Variants in MED13L observed in about 807,000 individuals in gnomAD.
MED13L encodes mediator of RNA polymerase II transcription subunit 13-like.
Under a neutral mutation model 220.9 loss-of-function variants are expected in MED13L, and 7 were observed. The ratio of observed to expected loss-of-function variants is 0.03; its 90% CI spans 0.02 to 0.06. The LOEUF (loss-of-function observed/expected upper bound fraction) is 0.06, where lower values mean the gene tolerates loss of function less well. MED13L is among the 10% of genes least tolerant of loss of function. The pLI is 1.00. For synonymous variants in MED13L, 1,011 were observed against 1,015.2 expected (o/e 1.00, Z 0.08); for missense variants, 1,965 against 2,760.5 (o/e 0.71, Z 6.46).
At chr12:116,173,616 C>T (rs536081468) in intron 2 of MED13L, among the ~76,000 whole-genome samples, 11 of 152,186 alleles carry the variant, frequency 7.2e-5, no homozygotes, top group Admixed American at 5.9e-4. Flanking sequence ...CATTTCAATC[C>T]GAGATGTTTA....
chr12:116,130,934 A>G (rs888631110), intron 2 of MED13L, among the ~76,000 whole-genome samples: 3 of 152,248 alleles, frequency 2.0e-5, no homozygotes, highest in South Asian at 2.1e-4. Context: ...TCTTATGTTC[A>G]AAGTGACATT....
intron 2 of MED13L, among the ~76,000 whole-genome samples, chr12:116,189,548 C>A (rs2138259221): frequency 6.6e-6 from 1 of 152,116 alleles, no homozygotes; most frequent in East Asian, 1.9e-4. Context: ...CTTTTGGTAT[C>A]AGTTCTAAGA....
intron 14 of MED13L, among the ~76,000 whole-genome samples, chr12:115,998,476 G>C (rs1302933039): frequency 6.6e-6 from 1 of 152,192 alleles, no homozygotes; most frequent in Non-Finnish European, 1.5e-5. Context: ...CAGGTGCTGG[G>C]GACTTAGATC....
chr12:116,034,689 A>G (rs1881068038), intron 4 of MED13L, among the ~76,000 whole-genome samples: 1 of 152,166 alleles, frequency 6.6e-6, no homozygotes, highest in African/African-American at 2.4e-5. Context: ...TGCTACCAAC[A>G]GTACTCACCT....
intron 3 of MED13L, among the ~76,000 whole-genome samples, chr12:116,105,270 A>T (rs1208142326): frequency 6.6e-6 from 1 of 152,228 alleles, no homozygotes; most frequent in East Asian, 1.9e-4. Flanking sequence ...CCCTAAATTG[A>T]GGACTGATAA....
intron 14 of MED13L, among the ~76,000 whole-genome samples, chr12:116,000,445 C>T (rs773253934): frequency 2.0e-4 from 31 of 152,222 alleles, no homozygotes; most frequent in Non-Finnish European, 4.1e-4. Context: ...CACCCACCTG[C>T]TCCTGCCCAG....
At chr12:116,089,846 A>G (rs951470343) in intron 4 of MED13L, among the ~76,000 whole-genome samples, 5 of 152,232 alleles carry the variant, frequency 3.3e-5, no homozygotes, top group African/African-American at 1.2e-4. Context: ...ACAACCTTCC[A>G]GGCATATTCA....
Position 115,983,345 on chromosome 12 carries a change from C to T in MED13L, c.4727G>A (p.Ser1576Asn). The change falls in exon 21 of 31, where the codon AGT (serine) becomes AAT (asparagine). Residue 1576 changes from serine to asparagine, a missense_variant. Ser to Asn is a conservative substitution (Grantham distance 46). Coordinates refer to ENST00000281928, the MANE Select transcript of MED13L (RefSeq NM_015335.5). ...CACAGAGGAACCAGATGCAGAACTA[C>T]TTGCTGCAGGATTTGTAGAACTACT... Reference protein sequence around the residue: ...SNSSSTNPAASSSASGSSVPP... With the variant: ...SNSSSTNPAANSSASGSSVPP... The T allele has an allele frequency of 6.2e-7, 1 of 1,614,200 alleles. No individual in the cohort carries two copies.
intron 2 of MED13L, among the ~76,000 whole-genome samples, chr12:116,162,349 G>A (rs1035616055): frequency 3.9e-5 from 6 of 152,178 alleles, no homozygotes; most frequent in Non-Finnish European, 7.4e-5. Flanking sequence ...AGGCTGCACC[G>A]ATTCATGAAT....
chr12:116,247,698 T>C (rs1402223489), intron 1 of MED13L, among the ~76,000 whole-genome samples: 1 of 152,206 alleles, frequency 6.6e-6, no homozygotes, highest in African/African-American at 2.4e-5. Flanking sequence ...CGTATATATA[T>C]ATACACACAC....
chr12:116,006,041 G>A (rs768613510), intron 12 of MED13L, 48 bp from the exon 13 acceptor site: 15 of 1,610,330 alleles, frequency 9.3e-6, no homozygotes, highest in East Asian at 2.2e-5. Flanking sequence ...TCCACCAAGC[G>A]CAAAGGAGTA....
At chr12:116,096,338 G>C (rs1481093902) in intron 4 of MED13L, among the ~76,000 whole-genome samples, 2 of 74,944 alleles carry the variant, frequency 2.7e-5, no homozygotes, top group Non-Finnish European at 4.6e-5. Flanking sequence ...CTGGGTGACA[G>C]AGTGAGACAC....
intron 23 of MED13L, among the ~76,000 whole-genome samples, chr12:115,976,237 A>G (rs1876928143): frequency 6.6e-6 from 1 of 152,242 alleles, no homozygotes; most frequent in South Asian, 2.1e-4. Context: ...TATTAATCAC[A>G]ATAGCTCCAA....
At position 116,154,773 on chromosome 12, in the gene MED13L, A is replaced by C. The variant is rs539719543; in HGVS notation, c.311-43261T>G. On this transcript the variant is annotated intron_variant, in intron 2 of 30. Coordinates refer to ENST00000281928, the MANE Select transcript of MED13L (RefSeq NM_015335.5). ...ACAGAAAATAAGTATTGAATTTTTA[A>C]AGCAATATTTTTCGATAAAGATATT... is the stretch of plus-strand genomic sequence containing the variant. 1.2e-4 allele frequency among the ~76,000 whole-genome samples: 18 copies of C among 152,330 alleles called. No homozygotes were observed. The South Asian group carries it at 3.7e-3, about 32-fold the overall frequency.
intron 4 of MED13L, among the ~76,000 whole-genome samples, chr12:116,035,637 C>A (rs997379002): frequency 1.2e-4 from 18 of 152,042 alleles, no homozygotes; most frequent in African/African-American, 4.3e-4. Context: ...GTCACTCAGG[C>A]TGGAATGCAG....
intron 27 of MED13L, 51 bp downstream of exon 27, chr12:115,970,543 G>A (rs767882844): frequency 9.0e-5 from 142 of 1,578,266 alleles, no homozygotes; most frequent in Non-Finnish European, 1.1e-4. Flanking sequence ...TCCATACTCC[G>A]GCTCTGCCCT....
intron 3 of MED13L, among the ~76,000 whole-genome samples, chr12:116,100,879 A>AC (rs1480061717): frequency 6.6e-6 from 1 of 152,124 alleles, no homozygotes. Context: ...GCACCCCTGC[A>AC]CCCCAGCCTG....
chr12:116,276,845 C>A, intron 1 of MED13L: 1 of 1,056,098 alleles, frequency 9.5e-7, no homozygotes, highest in Admixed American at 2.8e-5. Flanking sequence ...GCCGCGCTCA[C>A]AAATGATTTT....
At chr12:116,227,397 A>AT (rs1227678144) in intron 2 of MED13L, among the ~76,000 whole-genome samples, 1 of 152,162 alleles carries the variant, frequency 6.6e-6, no homozygotes, top group Non-Finnish European at 1.5e-5. Context: ...CAGATGCTGC[A>AT]TTTTTTACAA....
Sources: allele counts gnomAD v4.1 joint callset (sites outside exome capture counted in the v4.1 genomes callset), GRCh38; gene constraint gnomAD v4.1.1; transcripts MANE v1.5; gene names NCBI Gene and HGNC (gene_info 2026-07-23, HGNC 2026-07-21).